PARD3B: variants seen among roughly 807,000 people sequenced by gnomAD.
PARD3B encodes partitioning defective 3 homolog B.
Under a neutral mutation model 130.2 loss-of-function variants are expected in PARD3B, and 103 were observed. That is an observed-to-expected ratio of 0.79 (90% CI 0.67 to 0.93). The LOEUF (loss-of-function observed/expected upper bound fraction) is 0.93. PARD3B is among the 40% of genes least tolerant of loss of function. PARD3B has a pLI of 0.00. For synonymous variants in PARD3B, 583 were observed against 553.2 expected, an observed-to-expected ratio of 1.05 and a Z score of -0.76; for missense variants, 1,609 against 1,499.2, an observed-to-expected ratio of 1.07 and a Z score of -1.21.
chr2:204,674,118 T>C (rs2036427910), intron 1 of PARD3B, among the ~76,000 whole-genome samples: 1 of 152,204 alleles, frequency 6.6e-6, no homozygotes, highest in Non-Finnish European at 1.5e-5. Flanking sequence ...GCTGGGGATA[T>C]GGAAGTGAGT....
At chr2:205,088,927 G>A (rs1291226803) in intron 4 of PARD3B, among the ~76,000 whole-genome samples, 1 of 151,482 alleles carries the variant, frequency 6.6e-6, no homozygotes, top group Non-Finnish European at 1.5e-5. Flanking sequence ...CCGAGTAGCT[G>A]GGATGGGACT....
At chr2:205,430,454 A>T (rs1426910346) in intron 19 of PARD3B, among the ~76,000 whole-genome samples, 1 of 152,212 alleles carries the variant, frequency 6.6e-6, no homozygotes, top group Non-Finnish European at 1.5e-5. Context: ...TTAAATTTTA[A>T]TTAAAATTTT....
intron 3 of PARD3B, among the ~76,000 whole-genome samples, chr2:205,042,652 T>C (rs578000452): frequency 6.6e-6 from 1 of 152,064 alleles, no homozygotes; most frequent in Non-Finnish European, 1.5e-5. Context: ...GGTGTATGTT[T>C]TCATTGGTGT....
chr2:205,613,381 C>T (rs1044354985), intron 22 of PARD3B, among the ~76,000 whole-genome samples: 1 of 151,832 alleles, frequency 6.6e-6, no homozygotes, highest in Non-Finnish European at 1.5e-5. Context: ...CCAACATGAA[C>T]CAAAAGGAAA....
At chr2:205,442,099 A>G (rs1040641390) in intron 20 of PARD3B, among the ~76,000 whole-genome samples, 5 of 152,090 alleles carry the variant, frequency 3.3e-5, no homozygotes, top group African/African-American at 9.7e-5. Context: ...CTTCATAACA[A>G]TCCTCTCTGC....
rs149926292 is a variant in PARD3B, at chr2:204,679,449, A to G, written c.121-6732A>G. ...ACATTTACACTTTTACCCTTAGTGT[A>G]CTAGAATTCTAGTTGCTTTGTATTC... On this transcript the variant is annotated intron_variant, in intron 1 of 22. Coordinates refer to ENST00000406610, the MANE Select transcript of PARD3B (RefSeq NM_001302769.2). Among the ~76,000 whole-genome samples, 1,059 of 152,240 alleles carry G rather than the reference A, an allele frequency of 7.0e-3. 18 individuals are homozygous for G. The highest frequency in any genetic ancestry group is 0.023 in the African/African-American group (967 of 41,562).
chr2:205,469,867 A>G (rs922316332), intron 20 of PARD3B, among the ~76,000 whole-genome samples: 2 of 152,228 alleles, frequency 1.3e-5, no homozygotes, highest in Admixed American at 1.3e-4. Flanking sequence ...CACATCTGCC[A>G]TTGTCTATAA....
At chr2:204,891,697 G>A (rs1029474012) in intron 2 of PARD3B, among the ~76,000 whole-genome samples, 2 of 152,056 alleles carry the variant, frequency 1.3e-5, no homozygotes, top group Admixed American at 1.3e-4. Flanking sequence ...CCTTACTCTT[G>A]TCACCATTAT....
In PARD3B at chr2:204,689,751, C is replaced by G. The variant is rs2125250792; in HGVS notation, c.222+3469C>G. Among the ~76,000 whole-genome samples the G allele has an allele frequency of 6.6e-6, 1 of 152,162 alleles. No individual in the cohort carries two copies. The highest frequency in any genetic ancestry group is 2.1e-4 in the South Asian group (1 of 4,816). On this transcript the variant is annotated intron_variant, in intron 2 of 22. Transcript: ENST00000406610. This position sits in a 1 kb window ranked among gnomAD's most constrained non-coding sequence, Gnocchi z 5.2. ...AATCACAGAAATTGTAAGTAACTTG[C>G]CCAAGATCACACAGGTAGTAAATGG...
At chr2:204,560,319 G>C (rs1368182931) in intron 1 of PARD3B, among the ~76,000 whole-genome samples, 2 of 152,170 alleles carry the variant, frequency 1.3e-5, no homozygotes, top group Admixed American at 6.5e-5. Context: ...TTTAGACAGT[G>C]ACTTTGGGTC....
chr2:205,508,596 A>G (rs971181326), intron 21 of PARD3B, among the ~76,000 whole-genome samples: 4 of 148,888 alleles, frequency 2.7e-5, no homozygotes, highest in African/African-American at 7.4e-5. Context: ...AAAAAAAAGT[A>G]TGTGTCCATA....
At chr2:205,159,673 T>A (rs773292046) in intron 11 of PARD3B, among the ~76,000 whole-genome samples, 1 of 152,214 alleles carries the variant, frequency 6.6e-6, no homozygotes, top group Non-Finnish European at 1.5e-5. Context: ...AATAAAGTGA[T>A]GATAGAGGAA....
At chr2:205,005,634 C>G (rs1695200629) in intron 3 of PARD3B, among the ~76,000 whole-genome samples, 1 of 151,824 alleles carries the variant, frequency 6.6e-6, no homozygotes, top group Admixed American at 6.6e-5. Flanking sequence ...GCAAGGCAAA[C>G]AGAAAGAGTA....
chr2:205,069,321 G>A (rs943339710), intron 4 of PARD3B, among the ~76,000 whole-genome samples: 2 of 151,820 alleles, frequency 1.3e-5, no homozygotes, highest in Non-Finnish European at 2.9e-5. Context: ...ACTTCTCAGT[G>A]TGGTTTTACC....
At chr2:205,514,031 G>A (rs1019047303) in intron 21 of PARD3B, among the ~76,000 whole-genome samples, 14 of 152,038 alleles carry the variant, frequency 9.2e-5, no homozygotes, top group Non-Finnish European at 1.3e-4. Flanking sequence ...CAAAACAAAT[G>A]TAAAGTGGCT....
intron 20 of PARD3B, among the ~76,000 whole-genome samples, chr2:205,462,044 C>T (rs549783152): frequency 1.3e-5 from 2 of 152,236 alleles, no homozygotes; most frequent in African/African-American, 2.4e-5. Flanking sequence ...TAGCACATAG[C>T]GGGTACCAAA....
At chr2:205,030,704 A>C (rs1436845277) in intron 3 of PARD3B, among the ~76,000 whole-genome samples, 1 of 152,156 alleles carries the variant, frequency 6.6e-6, no homozygotes, top group Non-Finnish European at 1.5e-5. Flanking sequence ...TCTAAACATA[A>C]GGGCTTATGA....
At chr2:205,606,337 C>A (rs748459400) in intron 22 of PARD3B, among the ~76,000 whole-genome samples, 1 of 152,206 alleles carries the variant, frequency 6.6e-6, no homozygotes, top group Non-Finnish European at 1.5e-5. Context: ...CACTCACTGC[C>A]TCCCTTGGCT....
At chr2:204,936,632 G>T (rs1207967718) in intron 2 of PARD3B, among the ~76,000 whole-genome samples, 2 of 152,184 alleles carry the variant, frequency 1.3e-5, no homozygotes, top group Non-Finnish European at 2.9e-5. Context: ...TTGTACAAGA[G>T]ATCATGTAGA....
Sources: allele counts gnomAD v4.1 joint callset (sites outside exome capture counted in the v4.1 genomes callset), GRCh38; gene constraint gnomAD v4.1.1; non-coding constraint Gnocchi (gnomAD v3.1); transcripts MANE v1.5; gene names NCBI Gene and HGNC (gene_info 2026-07-23, HGNC 2026-07-21).